Variants in DACH1 observed in about 807,000 individuals in gnomAD.
The protein encoded by DACH1 is dachshund homolog 1.
Under a neutral mutation model 54.2 loss-of-function variants are expected in DACH1, and 12 were observed. The ratio of observed to expected loss-of-function variants is 0.22; its 90% confidence interval spans 0.14 to 0.36. The LOEUF is 0.36. Among genes scored for constraint, DACH1 ranks in the 10% least tolerant of loss-of-function variants. DACH1 has a pLI of 1.00. For synonymous variants in DACH1, 386 were observed against 366.2 expected (o/e 1.05, Z -0.62); for missense variants, 805 against 929.8 (o/e 0.87, Z 1.75).
intron 1 of DACH1, among the ~76,000 whole-genome samples, chr13:71,756,534 A>AAC (rs745961767): frequency 6.6e-6 from 1 of 151,942 alleles, no homozygotes; most frequent in Non-Finnish European, 1.5e-5. Context: ...GAAAAAAAAA[A>AAC]ACATTTTATT....
chr13:71,550,068 A>G (rs2138354364), intron 6 of DACH1, among the ~76,000 whole-genome samples: 1 of 152,326 alleles, frequency 6.6e-6, no homozygotes, highest in South Asian at 2.1e-4. Context: ...CTACAATATT[A>G]TAATTTCAAA....
intron 8 of DACH1, among the ~76,000 whole-genome samples, chr13:71,477,443 G>A (rs1196109331): frequency 6.6e-6 from 1 of 151,788 alleles, no homozygotes; most frequent in Non-Finnish European, 1.5e-5. Flanking sequence ...TTTTAAGATG[G>A]AAGCTAATTT....
At chr13:71,595,998 A>AT (rs908616126) in intron 3 of DACH1, among the ~76,000 whole-genome samples, 6 of 152,130 alleles carry the variant, frequency 3.9e-5, no homozygotes, top group Admixed American at 6.6e-5. Context: ...CCAAGAACTT[A>AT]TTTTTTTAGA....
intron 10 of DACH1, among the ~76,000 whole-genome samples, chr13:71,450,616 G>T (rs1874950433): frequency 6.6e-6 from 1 of 152,046 alleles, no homozygotes; most frequent in Non-Finnish European, 1.5e-5. Context: ...GATTCAGCTT[G>T]GTGAAGAAGG....
chr13:71,483,850 C>T (rs1385606154), intron 7 of DACH1, among the ~76,000 whole-genome samples: 1 of 152,034 alleles, frequency 6.6e-6, no homozygotes, highest in Non-Finnish European at 1.5e-5. Flanking sequence ...ATATAGTAAT[C>T]TGCTATACAG....
chr13:71,704,073 C>T (rs1467359921), intron 1 of DACH1: 3 of 156,452 alleles, frequency 1.9e-5, no homozygotes, highest in Non-Finnish European at 4.2e-5. Flanking sequence ...AGTGTAGAGA[C>T]AAACCGATTT....
intron 10 of DACH1, among the ~76,000 whole-genome samples, chr13:71,465,682 T>G (rs1397894555): frequency 6.6e-6 from 1 of 152,166 alleles, no homozygotes; most frequent in Non-Finnish European, 1.5e-5. Context: ...TTAAAAAAAC[T>G]CAAAGCAAAA....
At position 71,475,605 on chromosome 13, in the gene DACH1, T is replaced by A. The variant is rs1490186118; in HGVS notation, c.2014+101A>T. On this transcript the variant is annotated intron_variant, in intron 9 of 10. Coordinates refer to ENST00000613252, the MANE Select transcript of DACH1 (RefSeq NM_080759.6). ...TCAGCTTCAAGTATAGCTGAATGAA[T>A]CACAAGATATAGAAACATACAAAAC... 3 of 1,350,374 alleles carry A rather than the reference T, an allele frequency of 2.2e-6. No homozygotes were observed. The African/African-American group carries it at 4.4e-5, about 20-fold the overall frequency. 83.6% of individuals were successfully genotyped at this position (1,350,374 alleles called of 1,614,324 possible).
intron 1 of DACH1, among the ~76,000 whole-genome samples, chr13:71,787,811 A>C (rs1886667693): frequency 6.6e-6 from 1 of 152,186 alleles, no homozygotes; most frequent in Non-Finnish European, 1.5e-5. Context: ...AACTCTATAA[A>C]GGAAGCAAGG....
chr13:71,452,279 C>T (rs535864115), intron 10 of DACH1, among the ~76,000 whole-genome samples: 1 of 152,142 alleles, frequency 6.6e-6, no homozygotes, highest in South Asian at 2.1e-4. Context: ...AGGCATGTGC[C>T]ACCATGCCTG....
chr13:71,641,154 C>A (rs1262594531), intron 2 of DACH1, among the ~76,000 whole-genome samples: 1 of 151,840 alleles, frequency 6.6e-6, no homozygotes, highest in Non-Finnish European at 1.5e-5. Context: ...AATACGTGGC[C>A]ACAAAAGTCT....
At chr13:71,524,529 G>C (rs985653969) in intron 6 of DACH1, among the ~76,000 whole-genome samples, 3 of 152,054 alleles carry the variant, frequency 2.0e-5, no homozygotes, top group African/African-American at 7.2e-5. Context: ...GTTAAATAAG[G>C]AAAACTTAAA....
At chr13:71,638,714 T>A (rs1310187255) in intron 2 of DACH1, among the ~76,000 whole-genome samples, 2 of 152,166 alleles carry the variant, frequency 1.3e-5, no homozygotes, top group Non-Finnish European at 2.9e-5. Context: ...TAAAGTGGGT[T>A]TCTATTTTCA....
intron 2 of DACH1, among the ~76,000 whole-genome samples, chr13:71,662,509 A>G (rs1879573962): frequency 6.6e-6 from 1 of 152,138 alleles, no homozygotes; most frequent in East Asian, 1.9e-4. Flanking sequence ...CAGATATTTT[A>G]TCAGTATTAA....
chr13:71,632,047 G>A (rs1294860239), intron 2 of DACH1, among the ~76,000 whole-genome samples: 3 of 151,770 alleles, frequency 2.0e-5, no homozygotes, highest in East Asian at 1.9e-4. Flanking sequence ...GCAGTAAGCT[G>A]TGAGCACACT....
At chr13:71,853,894 G>T (rs889813948) in intron 1 of DACH1, among the ~76,000 whole-genome samples, 6 of 151,642 alleles carry the variant, frequency 4.0e-5, no homozygotes, top group African/African-American at 1.5e-4. Flanking sequence ...AGTTATTATC[G>T]GCCCAATTCC....
chr13:71,674,266 C>T (rs1457989977), intron 2 of DACH1, among the ~76,000 whole-genome samples: 1 of 151,988 alleles, frequency 6.6e-6, no homozygotes. Context: ...CAATGGCCTC[C>T]AAAATTAAGC....
chr13:71,698,203 TAAGTA>T (rs1881929695), intron 1 of DACH1, among the ~76,000 whole-genome samples: 1 of 151,784 alleles, frequency 6.6e-6, no homozygotes, highest in African/African-American at 2.4e-5. Context: ...GATAAATAAA[TAAGTA>T]AATAATAAAA....
chr13:71,575,131 T>G (rs1332857356), intron 3 of DACH1, among the ~76,000 whole-genome samples: 1 of 152,040 alleles, frequency 6.6e-6, no homozygotes. Context: ...AATGTTATGA[T>G]TCAGCATTGA....
Sources: gnomAD v4.1 joint callset for allele counts (sites outside exome capture counted in the v4.1 genomes callset) on GRCh38, gnomAD v4.1.1 for gene constraint, MANE v1.5 for transcripts, NCBI Gene and HGNC (gene_info 2026-07-23, HGNC 2026-07-21) for gene names.